MIB1: variants seen among roughly 807,000 people sequenced by gnomAD.
MIB1 encodes the protein E3 ubiquitin-protein ligase MIB1.
A neutral mutation model predicts 124.5 loss-of-function variants in MIB1; 278 were observed. The ratio of observed to expected loss-of-function variants is 2.23; its 90% CI spans 2.02 to 2.47. The LOEUF is 2.47. Among genes scored for constraint, MIB1 ranks in the 30% most tolerant of loss-of-function variants. The pLI, the probability that MIB1 is intolerant of heterozygous loss-of-function variation, is 0.00. For missense variants in MIB1, 957 were observed against 1,254.4 expected (o/e 0.76, Z 3.58); for synonymous variants, 446 against 429.4 (o/e 1.04, Z -0.48).
At chr18:21,855,841 A>G (rs1362914993) in intron 18 of MIB1, among the ~76,000 whole-genome samples, 1 of 152,254 alleles carries the variant, frequency 6.6e-6, no homozygotes, top group Non-Finnish European at 1.5e-5. Context: ...GATATGGAAT[A>G]TATTTTCATA....
chr18:21,851,935 C>G (rs1256038874), intron 17 of MIB1, among the ~76,000 whole-genome samples: 3 of 151,962 alleles, frequency 2.0e-5, no homozygotes, highest in Non-Finnish European at 4.4e-5. Flanking sequence ...ATTTTAAACT[C>G]TTCAGAAACA....
At position 21,788,768 on chromosome 18, in the gene MIB1, T is replaced by C. The variant is rs143808919; in HGVS notation, c.909-2606T>C. 2.0e-3 allele frequency among the ~76,000 whole-genome samples: 305 copies of C among 152,328 alleles called. 2 individuals are homozygous for C. Among genetic ancestry groups the C allele is most frequent in the African/African-American group, 6.8e-3 (283 of 41,574 alleles). On this transcript the variant is annotated intron_variant, in intron 6 of 20. Coordinates refer to ENST00000261537, the MANE Select transcript of MIB1 (RefSeq NM_020774.4). ...TAGCTAATAAATGAGTTCAGCAAGATTGCAGGAACCAAGATTGATATAGGA... is the reference window on the plus strand; with the variant it reads ...TAGCTAATAAATGAGTTCAGCAAGACTGCAGGAACCAAGATTGATATAGGA...
chr18:21,740,820 C>G lies in MIB1; in HGVS notation c.-764C>G, dbSNP rs2040839059. ...GGACCCTGGAGAGACGCTTAGGGATCAGTTTTCTCCTCCTTTCTTCCCGCG... is the reference window on the plus strand; with the variant it reads ...GGACCCTGGAGAGACGCTTAGGGATGAGTTTTCTCCTCCTTTCTTCCCGCG... On this transcript the variant is annotated 5_prime_UTR_variant, in exon 1 of 21. The change creates a new upstream start codon in the 5' untranslated region. Transcript: ENST00000261537. Among the ~76,000 whole-genome samples the G allele has an allele frequency of 6.6e-6, 1 of 152,248 alleles. No homozygotes were observed. Among genetic ancestry groups the G allele is most frequent in the Non-Finnish European group, 1.5e-5 (1 of 68,048 alleles).
chr18:21,782,133 T>A (rs920133871), intron 6 of MIB1, among the ~76,000 whole-genome samples: 3 of 152,236 alleles, frequency 2.0e-5, no homozygotes, highest in Admixed American at 6.5e-5. Context: ...ATTATTATTA[T>A]TTTTTTGAGA....
At chr18:21,761,017 C>T (rs1057030478) in intron 1 of MIB1, among the ~76,000 whole-genome samples, 1 of 152,056 alleles carries the variant, frequency 6.6e-6, no homozygotes, top group African/African-American at 2.4e-5. Flanking sequence ...TATTTTTTGT[C>T]GGCTTTCCTG....
chr18:21,856,091 G>A (rs539597769), intron 18 of MIB1, among the ~76,000 whole-genome samples: 20 of 151,308 alleles, frequency 1.3e-4, no homozygotes, highest in African/African-American at 4.4e-4. Context: ...TTAGCCGGGC[G>A]CGGTGGCGGG....
chr18:21,841,907 A>G (rs2042092724), intron 13 of MIB1, among the ~76,000 whole-genome samples: 1 of 152,088 alleles, frequency 6.6e-6, no homozygotes, highest in African/African-American at 2.4e-5. Flanking sequence ...AATGATGGAA[A>G]AGCTCAGGAA....
chr18:21,765,455 C>G (rs189352299), intron 1 of MIB1, among the ~76,000 whole-genome samples: 11 of 152,292 alleles, frequency 7.2e-5, no homozygotes, highest in African/African-American at 2.6e-4. Context: ...TCTGAAACAT[C>G]TCCTTAGTGA....
At chr18:21,824,423 A>G (rs2041906639) in intron 12 of MIB1, among the ~76,000 whole-genome samples, 1 of 152,134 alleles carries the variant, frequency 6.6e-6, no homozygotes. Context: ...GATAAGCTGT[A>G]CTGTATTTTG....
chr18:21,806,101 C>A lies in MIB1; in HGVS notation c.1479+2087C>A, dbSNP rs191745491. On this transcript the variant is annotated intron_variant, in intron 10 of 20. Transcript: ENST00000261537. Reference sequence around the variant, plus strand: ...TATTTTTAGTAGAGTTGGGGTTTCGCCATGTTGGCCAGGCTGATCTCTAAC... The same window carrying A: ...TATTTTTAGTAGAGTTGGGGTTTCGACATGTTGGCCAGGCTGATCTCTAAC... Among the ~76,000 whole-genome samples the A allele has an allele frequency of 2.7e-3, 404 of 151,710 alleles. 2 individuals carry two copies. The highest frequency in any genetic ancestry group is 8.7e-3 in the African/African-American group (360 of 41,376).
At chr18:21,840,095 C>T (rs1361815530) in intron 13 of MIB1, among the ~76,000 whole-genome samples, 1 of 152,048 alleles carries the variant, frequency 6.6e-6, no homozygotes, top group Non-Finnish European at 1.5e-5. Context: ...ATTTCAATTT[C>T]CATTTGCATA....
intron 10 of MIB1, among the ~76,000 whole-genome samples, chr18:21,813,950 G>A (rs999352616): frequency 3.3e-5 from 5 of 152,176 alleles, no homozygotes; most frequent in Admixed American, 6.5e-5. Context: ...AATGCAATAC[G>A]CTTATACCTA....
chr18:21,803,726 C>G (rs2041674734), intron 9 of MIB1, 181 bp from the exon 10 acceptor site: 1 of 439,210 alleles, frequency 2.3e-6, no homozygotes, highest in South Asian at 6.2e-5. Context: ...TAAAACAATG[C>G]TTGCTTCCCT....
rs980890445 is a variant in MIB1 at position 21,866,373 on chromosome 18, C to T, written c.*1707C>T. 1 of 152,136 alleles carries T rather than the reference C, an allele frequency of 6.6e-6. No individual in the cohort carries two copies. Among genetic ancestry groups the T allele is most frequent in the Non-Finnish European group, 1.5e-5 (1 of 68,018 alleles). 9.4% of individuals were successfully genotyped at this position (152,136 alleles called of 1,614,324 possible). On this transcript the variant is annotated 3_prime_UTR_variant, in exon 21 of 21. Transcript: ENST00000261537. ...GATTTCAAATTTGAAAATTCATGTA[C>T]ACTCAGTTATCTAATAAGGGGCCAC...
At chr18:21,750,287 G>C (rs2040959730) in intron 1 of MIB1, among the ~76,000 whole-genome samples, 2 of 152,072 alleles carry the variant, frequency 1.3e-5, no homozygotes, top group African/African-American at 4.8e-5. Flanking sequence ...GAGTAGCTGG[G>C]ATTACAGGCG....
At chr18:21,789,325 C>T (rs1452880465) in intron 6 of MIB1, among the ~76,000 whole-genome samples, 11 of 152,012 alleles carry the variant, frequency 7.2e-5, no homozygotes, top group Admixed American at 6.6e-4. Context: ...ACATGACTCT[C>T]TTATAAGGAC....
At chr18:21,731,807 C>T (rs1199196399) in intron 1 of MIB1, among the ~76,000 whole-genome samples, 2 of 146,606 alleles carry the variant, frequency 1.4e-5, no homozygotes, top group Admixed American at 1.4e-4. Flanking sequence ...ATGGAGACTT[C>T]AAAAACTTTG....
In MIB1 at chr18:21,741,901, A is replaced by G; in HGVS notation, c.229+89A>G. ...GTCGGTGTCGCGGGGAGAGGTCTGCAGTGGGACACCTGGTGGGCAGCGCCC... is the reference window on the plus strand; with the variant it reads ...GTCGGTGTCGCGGGGAGAGGTCTGCGGTGGGACACCTGGTGGGCAGCGCCC... On this transcript the variant is annotated intron_variant, in intron 1 of 20. Transcript: ENST00000261537. The surrounding 1 kb of genome is among the most constrained non-coding windows in gnomAD (Gnocchi z 5.4). 8.4e-7 allele frequency: 1 copy of G among 1,185,038 alleles called. No homozygotes were observed. The highest frequency in any genetic ancestry group is 1.2e-6 in the Non-Finnish European group (1 of 864,726). 73.4% of individuals were successfully genotyped at this position (1,185,038 alleles called of 1,614,324 possible). A position where few individuals can be genotyped will look rare whatever the true frequency, so the allele number is the denominator to read the frequency against.
chr18:21,852,835 G>T (rs1430567125), intron 17 of MIB1, among the ~76,000 whole-genome samples: 1 of 151,882 alleles, frequency 6.6e-6, no homozygotes, highest in African/African-American at 2.4e-5. Context: ...AGTAGTTTTT[G>T]GGGGAAAAAA....
Sources: allele counts gnomAD v4.1 joint callset (sites outside exome capture counted in the v4.1 genomes callset), GRCh38; gene constraint gnomAD v4.1.1; non-coding constraint Gnocchi (gnomAD v3.1); transcripts MANE v1.5; gene names NCBI Gene and HGNC (gene_info 2026-07-23, HGNC 2026-07-21).